The following PRDM10 variants were observed in gnomAD, a reference collection of about 807,000 sequenced individuals.
The protein encoded by PRDM10 is PR/SET domain 10.
A neutral mutation model predicts 133.1 loss-of-function variants in PRDM10; 65 were observed. The ratio of observed to expected loss-of-function variants is 0.49; its 90% CI spans 0.40 to 0.60. PRDM10 has a LOEUF of 0.60. Among genes scored for constraint, PRDM10 ranks in the 20% least tolerant of loss-of-function variants. The pLI, the probability that PRDM10 is intolerant of heterozygous loss-of-function variation, is 0.00. For missense variants in PRDM10, 1,137 were observed against 1,507.1 expected (o/e 0.75, Z 4.07); for synonymous variants, 582 against 580.4 (o/e 1.00, Z -0.04).
At chr11:129,986,814 T>C (rs1317691857) in intron 1 of PRDM10, among the ~76,000 whole-genome samples, 1 of 152,194 alleles carries the variant, frequency 6.6e-6, no homozygotes, top group African/African-American at 2.4e-5. Context: ...ATCTATAACA[T>C]GGTTACAGCA....
At chr11:129,994,888 C>T (rs1938966890) in intron 1 of PRDM10, among the ~76,000 whole-genome samples, 2 of 152,096 alleles carry the variant, frequency 1.3e-5, no homozygotes, top group African/African-American at 4.8e-5. Context: ...CTCCTGACCT[C>T]GTGATCCGCC....
intron 1 of PRDM10, among the ~76,000 whole-genome samples, chr11:129,968,946 T>C (rs535109876): frequency 1.3e-5 from 2 of 152,310 alleles, no homozygotes; most frequent in South Asian, 2.1e-4. Flanking sequence ...CTGTGCTGCC[T>C]GGCAGTGGAA....
At chr11:129,902,627 A>G (rs1461396605) in intron 20 of PRDM10, 111 bp from the exon 21 acceptor site, 49 of 1,451,466 alleles carry the variant, frequency 3.4e-5, no homozygotes, top group Non-Finnish European at 3.9e-5. Flanking sequence ...CAAAATAGGC[A>G]TCTATGAGAG....
chr11:129,918,287 TAA>T lies in PRDM10; in HGVS notation c.2214+250_2214+251del, dbSNP rs34931476. Reference sequence around the variant, plus strand: ...AACAAAAGTAGTAATGAAAAGTGATTAAAAAAAAAAAAAGAAAAAGAAAAAGA... The same window carrying T: ...AACAAAAGTAGTAATGAAAAGTGATTAAAAAAAAAAAGAAAAAGAAAAAGA... On this transcript the variant is annotated intron_variant, in intron 14 of 20. Transcript: ENST00000360871. The surrounding 1 kb of genome is among the most constrained non-coding windows in gnomAD (Gnocchi z 5.3). Among the ~76,000 whole-genome samples, 1 of 131,296 alleles carries T rather than the reference TAA, an allele frequency of 7.6e-6. No homozygotes were observed. The allele number at this position is 131,296 out of a possible 152,430, so 86.1% of individuals were successfully genotyped here.
chr11:129,996,796 CCATTTAGAACTGTGTGCTTTGTT>C (rs147271269), intron 1 of PRDM10, among the ~76,000 whole-genome samples: 20,023 of 152,106 alleles, frequency 0.13, 1,800 homozygotes, highest in African/African-American at 0.25. Context: ...AAGTTTTGAA[CCATTTAGAACTGTGTGCTTTGTT>C]ATTGAGCCAT....
chr11:129,947,052 G>C lies in PRDM10; in HGVS notation c.520+93C>G. ...CAGTTGGCTGCACACGGAAGGACCT[G>C]ACGCACGGGAGCTATGTTCACACAC... On this transcript the variant is annotated intron_variant, in intron 5 of 20. Coordinates refer to ENST00000360871, the MANE Select transcript of PRDM10 (RefSeq NM_199437.2). The surrounding 1 kb of genome is among the most constrained non-coding windows in gnomAD (Gnocchi z 4.6). The C allele has an allele frequency of 6.6e-7, 1 of 1,520,784 alleles. No individual in the cohort carries two copies. The highest frequency in any genetic ancestry group is 1.2e-5 in the South Asian group (1 of 80,682). The allele number at this position is 1,520,784 out of a possible 1,614,324, so 94.2% of individuals were successfully genotyped here.
At chr11:129,978,735 CA>C (rs1937931179) in intron 1 of PRDM10, among the ~76,000 whole-genome samples, 1 of 152,232 alleles carries the variant, frequency 6.6e-6, no homozygotes, top group Non-Finnish European at 1.5e-5. Flanking sequence ...CAGAGACTAT[CA>C]GCTCAGGTTT....
chr11:129,937,144 T>C (rs190538988), intron 8 of PRDM10, among the ~76,000 whole-genome samples: 34 of 152,292 alleles, frequency 2.2e-4, no homozygotes, highest in Non-Finnish European at 4.3e-4. Context: ...CAAAGAAACT[T>C]CTAGGGCACA....
intron 1 of PRDM10, among the ~76,000 whole-genome samples, chr11:129,986,020 G>A (rs759503119): frequency 6.1e-4 from 93 of 151,914 alleles, no homozygotes; most frequent in Admixed American, 1.1e-3. Context: ...TGGGCTCGTG[G>A]TGGATTAACA....
intron 7 of PRDM10, among the ~76,000 whole-genome samples, chr11:129,942,043 C>T (rs1951225341): frequency 6.6e-6 from 1 of 152,082 alleles, no homozygotes; most frequent in African/African-American, 2.4e-5. Flanking sequence ...TTACAGGCAC[C>T]CGCCACCATG....
intron 20 of PRDM10, among the ~76,000 whole-genome samples, chr11:129,903,939 A>G (rs1356815582): frequency 6.6e-6 from 1 of 152,144 alleles, no homozygotes; most frequent in Non-Finnish European, 1.5e-5. Context: ...TTTGGCTAAA[A>G]CCATTCTCAA....
chr11:129,919,871 C>T (rs1950470678), intron 13 of PRDM10, among the ~76,000 whole-genome samples: 1 of 152,184 alleles, frequency 6.6e-6, no homozygotes, highest in Admixed American at 6.5e-5. Context: ...GCCTCCCTCA[C>T]CCACCTGCCT....
intron 4 of PRDM10, among the ~76,000 whole-genome samples, chr11:129,951,564 C>T (rs116913918): frequency 3.3e-5 from 5 of 152,174 alleles, no homozygotes; most frequent in Admixed American, 1.3e-4. Flanking sequence ...TATAAACTTA[C>T]GGTATACTTT....
chr11:129,909,926 G>A (rs1462066196), intron 19 of PRDM10, among the ~76,000 whole-genome samples: 1 of 152,162 alleles, frequency 6.6e-6, no homozygotes, highest in Non-Finnish European at 1.5e-5. Flanking sequence ...CTGTTTACTA[G>A]CTCTTGGAAA....
At chr11:129,922,428 A>G (rs1164598197) in intron 13 of PRDM10, among the ~76,000 whole-genome samples, 2 of 152,212 alleles carry the variant, frequency 1.3e-5, no homozygotes, top group African/African-American at 2.4e-5. Flanking sequence ...TTGTGCTGTT[A>G]TATATTCAAA....
chr11:129,970,731 A>G (rs562866524), intron 1 of PRDM10, among the ~76,000 whole-genome samples: 1 of 152,114 alleles, frequency 6.6e-6, no homozygotes, highest in South Asian at 2.1e-4. Flanking sequence ...TTTTTAGTAG[A>G]GACGGGGTTT....
At chr11:129,933,707 A>G (rs909146513) in intron 9 of PRDM10, among the ~76,000 whole-genome samples, 1 of 152,190 alleles carries the variant, frequency 6.6e-6, no homozygotes, top group South Asian at 2.1e-4. Flanking sequence ...TGGCATATAA[A>G]CCAAAAATCA....
At chr11:129,926,551 T>C (rs1421171461) in intron 11 of PRDM10, among the ~76,000 whole-genome samples, 5 of 152,230 alleles carry the variant, frequency 3.3e-5, no homozygotes, top group African/African-American at 4.8e-5. Context: ...GAAATCATCA[T>C]GTGAGGAAAA....
rs977202570 is a variant in PRDM10 at position 129,945,655 on chromosome 11, G to A, written c.521-643C>T. On this transcript the variant is annotated intron_variant, in intron 5 of 20. Transcript: ENST00000360871. This position sits in a 1 kb window ranked among gnomAD's most constrained non-coding sequence, Gnocchi z 4.2. ...TTCCAAGAGCACTCGGTTTGCACCA[G>A]TCCGGCCACACGCCCTGCCTCTTTG... Among the ~76,000 whole-genome samples, 1 of 152,148 alleles carries A rather than the reference G, an allele frequency of 6.6e-6. No homozygotes were observed. The highest frequency in any genetic ancestry group is 1.5e-5 in the Non-Finnish European group (1 of 68,026).
Sources: gnomAD v4.1 joint callset for allele counts (sites outside exome capture counted in the v4.1 genomes callset) on GRCh38, gnomAD v4.1.1 for gene constraint, Gnocchi (gnomAD v3.1) non-coding constraint, MANE v1.5 for transcripts, NCBI Gene and HGNC (gene_info 2026-07-23, HGNC 2026-07-21) for gene names.